PLEKHM3: variants seen among roughly 807,000 people sequenced by gnomAD.
PLEKHM3 encodes the protein pleckstrin homology domain containing M3.
In PLEKHM3, 45 loss-of-function variants were observed where a neutral mutation model predicts 81.8. That is an observed-to-expected ratio of 0.55 (90% CI 0.43 to 0.71). The LOEUF (loss-of-function observed/expected upper bound fraction) is 0.71. Ranked by LOEUF, PLEKHM3 falls within the 30% of genes least tolerant of loss-of-function variation. PLEKHM3 has a pLI of 0.00. For missense variants in PLEKHM3, 788 were observed against 924.3 expected, an observed-to-expected ratio of 0.85 and a Z score of 1.91; for synonymous variants, 352 against 356.4, an observed-to-expected ratio of 0.99 and a Z score of 0.14.
intron 6 of PLEKHM3, among the ~76,000 whole-genome samples, chr2:207,891,892 A>G (rs1688071361): frequency 6.6e-6 from 1 of 152,214 alleles, no homozygotes; most frequent in African/African-American, 2.4e-5. Context: ...TTATTTTTAA[A>G]GGCTCTTGCA....
chr2:207,886,459 C>T (rs148714438), intron 6 of PLEKHM3, among the ~76,000 whole-genome samples: 66 of 152,300 alleles, frequency 4.3e-4, no homozygotes, highest in African/African-American at 1.5e-3. Context: ...TGCATTCCAC[C>T]TGTGTTATTT....
At chr2:207,858,771 G>A (rs1487657915) in intron 7 of PLEKHM3, among the ~76,000 whole-genome samples, 2 of 151,942 alleles carry the variant, frequency 1.3e-5, no homozygotes, top group African/African-American at 4.8e-5. Context: ...GTGAGCCACC[G>A]TGCCTAGCCA....
intron 3 of PLEKHM3, 91 bp from the exon 4 acceptor site, chr2:207,946,603 G>T: frequency 1.4e-6 from 2 of 1,472,918 alleles, no homozygotes; most frequent in Non-Finnish European, 1.8e-6. Context: ...ACAGAACAAG[G>T]TTATATTTCA....
intron 5 of PLEKHM3, among the ~76,000 whole-genome samples, chr2:207,915,108 C>T (rs942142935): frequency 4.6e-5 from 7 of 152,182 alleles, no homozygotes; most frequent in Non-Finnish European, 2.9e-5. Flanking sequence ...CTAGCACAAT[C>T]GCTTCTAGTG....
Position 207,826,076 on chromosome 2 carries a change from T to A in PLEKHM3, c.*2243A>T, listed in dbSNP as rs2092250032. ...TGGCACTGCACTTCAGGTCTCCAAA[T>A]GCAGTGTGCTAGGAATGGCCTCGCT... On this transcript the variant is annotated 3_prime_UTR_variant, in exon 8 of 8. Transcript: ENST00000427836. The A allele has an allele frequency of 6.6e-6, 1 of 152,150 alleles. No individual in the cohort carries two copies. Among genetic ancestry groups the A allele is most frequent in the Non-Finnish European group, 1.5e-5 (1 of 68,026 alleles). The allele number at this position is 152,150 out of a possible 1,614,324, so 9.4% of individuals were successfully genotyped here.
At chr2:207,917,089 TAGAAG>T (rs1202398308) in intron 5 of PLEKHM3, among the ~76,000 whole-genome samples, 6 of 152,232 alleles carry the variant, frequency 3.9e-5, no homozygotes, top group Non-Finnish European at 5.9e-5. Flanking sequence ...ACCACACTTT[TAGAAG>T]TCATCTAATG....
chr2:207,918,505 A>G (rs1689071822), intron 5 of PLEKHM3, among the ~76,000 whole-genome samples: 2 of 152,088 alleles, frequency 1.3e-5, no homozygotes, highest in East Asian at 1.9e-4. Flanking sequence ...CTGGGTGGCA[A>G]AGCAAGACTC....
At chr2:207,892,002 T>C (rs1462625837) in intron 6 of PLEKHM3, among the ~76,000 whole-genome samples, 2 of 152,182 alleles carry the variant, frequency 1.3e-5, no homozygotes, top group Non-Finnish European at 2.9e-5. Context: ...TTGGGCTCCC[T>C]GGCCTCGAAA....
At position 207,824,646 on chromosome 2, in the gene PLEKHM3, TC is replaced by T. The variant is rs2092238499; in HGVS notation, c.*3672del. 6.6e-6 allele frequency: 1 copy of T among 152,276 alleles called. No individual in the cohort carries two copies. The highest frequency in any genetic ancestry group is 1.5e-5 in the Non-Finnish European group (1 of 68,076). The allele number at this position is 152,276 out of a possible 1,614,324, so 9.4% of individuals were successfully genotyped here. A position where few individuals can be genotyped will look rare whatever the true frequency, so the allele number is the denominator to read the frequency against. On this transcript the variant is annotated 3_prime_UTR_variant, in exon 8 of 8. Transcript: ENST00000427836. ...AACTCCCAGGTTTGGAAGCCAAGCCTCTCTGAGGAGGCACAGAAAAGAACTA... is the reference window on the plus strand; with the variant it reads ...AACTCCCAGGTTTGGAAGCCAAGCCTTCTGAGGAGGCACAGAAAAGAACTA...
rs114569195 is a variant in PLEKHM3, at chr2:207,936,363, G to A, written c.1693-5244C>T. Among the ~76,000 whole-genome samples the A allele has an allele frequency of 9.6e-4, 146 of 152,240 alleles. 3 individuals are homozygous for A. The highest frequency in any genetic ancestry group is 1.1e-3 in the Non-Finnish European group (73 of 68,008). ...CTATATCCCCAGTGCCTAGAACAGTGAGCACAATAAATATCCAATAAATAC... is the reference window on the plus strand; with the variant it reads ...CTATATCCCCAGTGCCTAGAACAGTAAGCACAATAAATATCCAATAAATAC... On this transcript the variant is annotated intron_variant, in intron 4 of 7. Transcript: ENST00000427836.
chr2:207,946,440 C>T lies in PLEKHM3; in HGVS notation c.1619G>A (p.Ser540Asn). ...AAAGCTGTCATCCACGTGGCAGCTA[C>T]TGCAGTAATACCACCCACTGTAGTT... Reference protein sequence around the residue: ...VCNYSGWYYCSSCHVDDSFLI... With the variant: ...VCNYSGWYYCNSCHVDDSFLI... Residue 540 changes from serine to asparagine, a missense_variant, in exon 4 of 8, where the codon AGT becomes AAT. By Grantham distance (46) the Ser-to-Asn change is conservative. Transcript: ENST00000427836. 1.9e-6 allele frequency: 3 copies of T among 1,614,154 alleles called. No individual in the cohort carries two copies. Among genetic ancestry groups the T allele is most frequent in the South Asian group, 2.2e-5 (2 of 91,074 alleles).
Position 207,854,454 on chromosome 2 carries a change from T to C in PLEKHM3, c.2108+6651A>G, listed in dbSNP as rs567862140. 1.3e-3 allele frequency among the ~76,000 whole-genome samples: 196 copies of C among 152,332 alleles called. 1 individual carries two copies. Among genetic ancestry groups the C allele is most frequent in the African/African-American group, 4.2e-3 (175 of 41,574 alleles). On this transcript the variant is annotated intron_variant, in intron 7 of 7. Coordinates refer to ENST00000427836, the MANE Select transcript of PLEKHM3 (RefSeq NM_001080475.3). ...TCAGTTACACTGAGATTTTAAACTT[T>C]ACTTTACTATTCAAATTTATTTTTA...
rs1575255508 is a variant in PLEKHM3 at position 207,825,100 on chromosome 2, CT to C, written c.*3218del. On this transcript the variant is annotated 3_prime_UTR_variant, in exon 8 of 8. Transcript: ENST00000427836. ...GGTTTTCATATAAAGAGGCTTTTAA[CT>C]TTGGAAAAAGCGGGCCTGGAAAGAA... is the stretch of plus-strand genomic sequence containing the variant. 6.6e-6 allele frequency: 1 copy of C among 152,146 alleles called. No individual in the cohort carries two copies. The highest frequency in any genetic ancestry group is 6.5e-5 in the Admixed American group (1 of 15,274). The allele number at this position is 152,146 out of a possible 1,614,324, so 9.4% of individuals were successfully genotyped here. A position where few individuals can be genotyped will look rare whatever the true frequency, so the allele number is the denominator to read the frequency against.
At chr2:208,021,307 T>G (rs1414080568) in intron 1 of PLEKHM3, among the ~76,000 whole-genome samples, 1 of 152,232 alleles carries the variant, frequency 6.6e-6, no homozygotes, top group Non-Finnish European at 1.5e-5. Flanking sequence ...TCCATCAATC[T>G]ATGAGAAAAC....
chr2:207,902,108 C>T (rs777762453), intron 6 of PLEKHM3, among the ~76,000 whole-genome samples: 30 of 152,264 alleles, frequency 2.0e-4, no homozygotes, highest in Non-Finnish European at 4.1e-4. Context: ...GGACTGGTGA[C>T]TCGGTTGTGG....
intron 1 of PLEKHM3, among the ~76,000 whole-genome samples, chr2:208,010,270 T>C (rs1692644447): frequency 6.6e-6 from 1 of 152,240 alleles, no homozygotes; most frequent in African/African-American, 2.4e-5. Flanking sequence ...AATATAAGCA[T>C]GGCACTTTAA....
At position 208,001,019 on chromosome 2, in the gene PLEKHM3, T is replaced by C. The variant is rs368725739; in HGVS notation, c.610+11A>G. The stretch of plus-strand genomic sequence containing the variant: ...AAAAAAAAAGGAAATAAATAAAATT[T>C]AAAAACATACCAGTATTTCCTTGAG... On this transcript the variant is annotated intron_variant, in intron 2 of 7. Coordinates refer to ENST00000427836, the MANE Select transcript of PLEKHM3 (RefSeq NM_001080475.3). The C allele has an allele frequency of 1.1e-5, 16 of 1,487,850 alleles. No individual in the cohort carries two copies. The highest frequency in any genetic ancestry group is 1.4e-5 in the Non-Finnish European group (16 of 1,120,572). 92.2% of individuals were successfully genotyped at this position (1,487,850 alleles called of 1,614,324 possible). A position where few individuals can be genotyped will look rare whatever the true frequency, so the allele number is the denominator to read the frequency against.
At chr2:207,974,014 G>C (rs11687058) in intron 3 of PLEKHM3, among the ~76,000 whole-genome samples, 89,540 of 151,952 alleles carry the variant, frequency 0.59, 29,289 homozygotes, top group Non-Finnish European at 0.73. Context: ...TAAAAGTCAA[G>C]CAGTGCAAAT....
Position 207,977,098 on chromosome 2 carries a change from TCC to T in PLEKHM3, c.1097_1098del (p.Gly366AspfsTer73). On this transcript the variant is annotated frameshift_variant, in exon 3 of 8. Coordinates refer to ENST00000427836, the MANE Select transcript of PLEKHM3 (RefSeq NM_001080475.3). LOFTEE classifies it high-confidence loss of function. ...TTTTGGACAGTCAGCCTGTAGAGAG[TCC>T]CTGATTTGAGGATGTTTTGGTACTG... ...SKQYQNILKS[G>X]TLYRLTVQNN... The T allele has an allele frequency of 1.2e-6, 2 of 1,614,092 alleles. No homozygotes were observed. Among genetic ancestry groups the T allele is most frequent in the Non-Finnish European group, 1.7e-6 (2 of 1,180,014 alleles).
Sources: gnomAD v4.1 joint callset for allele counts (sites outside exome capture counted in the v4.1 genomes callset) on GRCh38, gnomAD v4.1.1 for gene constraint, MANE v1.5 for transcripts, NCBI Gene and HGNC (gene_info 2026-07-23, HGNC 2026-07-21) for gene names.